MOB3B: variants seen among roughly 807,000 people sequenced by gnomAD.
MOB3B encodes MOB kinase activator 3B.
In MOB3B, 7 loss-of-function variants were observed where a neutral mutation model predicts 18.7. The ratio of observed to expected loss-of-function variants is 0.37; its 90% CI spans 0.21 to 0.70. The LOEUF is 0.70. Among genes scored for constraint, MOB3B ranks in the 30% least tolerant of loss-of-function variants. MOB3B has a pLI of 0.52. For synonymous variants in MOB3B, 111 were observed against 99.9 expected (o/e 1.11, Z -0.66); for missense variants, 253 against 281.3 (o/e 0.90, Z 0.72).
chr9:27,335,362 C>T (rs187198715), intron 3 of MOB3B, among the ~76,000 whole-genome samples: 14 of 152,266 alleles, frequency 9.2e-5, no homozygotes, highest in African/African-American at 1.2e-4. Context: ...TTCCCTAATG[C>T]GGCAAAACTA....
intron 2 of MOB3B, among the ~76,000 whole-genome samples, chr9:27,413,716 G>A (rs1822107628): frequency 6.6e-6 from 1 of 152,182 alleles, no homozygotes; most frequent in Non-Finnish European, 1.5e-5. Context: ...GAAAGCAATA[G>A]GATTTGAAGG....
At chr9:27,347,437 G>C (rs1228475171) in intron 3 of MOB3B, among the ~76,000 whole-genome samples, 1 of 152,268 alleles carries the variant, frequency 6.6e-6, no homozygotes, top group Admixed American at 6.5e-5. Context: ...TTCCTGGAAC[G>C]TAGCGCCCTG....
chr9:27,343,359 T>C (rs971078515), intron 3 of MOB3B, among the ~76,000 whole-genome samples: 7 of 150,860 alleles, frequency 4.6e-5, no homozygotes, highest in African/African-American at 9.9e-5. Context: ...GGGTCCTCTG[T>C]CTAGGAAAAC....
At chr9:27,521,075 C>T (rs1820317237) in intron 1 of MOB3B, among the ~76,000 whole-genome samples, 1 of 152,118 alleles carries the variant, frequency 6.6e-6, no homozygotes, top group Non-Finnish European at 1.5e-5. Flanking sequence ...GAATGGAGTC[C>T]TTGCTCTTGG....
intron 3 of MOB3B, among the ~76,000 whole-genome samples, chr9:27,338,038 A>C (rs1326305951): frequency 6.6e-6 from 1 of 152,158 alleles, no homozygotes; most frequent in Non-Finnish European, 1.5e-5. Flanking sequence ...TGTCCTCAAC[A>C]GCACTGGCTG....
At chr9:27,416,694 C>A (rs951908036) in intron 2 of MOB3B, among the ~76,000 whole-genome samples, 16 of 147,492 alleles carry the variant, frequency 1.1e-4, no homozygotes, top group African/African-American at 3.9e-4. Flanking sequence ...CCACCATGCC[C>A]AGCCAATTTT....
At chr9:27,465,006 C>T (rs1454147530) in intron 1 of MOB3B, among the ~76,000 whole-genome samples, 28 of 152,192 alleles carry the variant, frequency 1.8e-4, no homozygotes, top group South Asian at 1.5e-3. Context: ...TGCCCCTGGC[C>T]CCTCCAAATC....
At chr9:27,449,808 T>G (rs1207063983) in intron 2 of MOB3B, among the ~76,000 whole-genome samples, 1 of 151,772 alleles carries the variant, frequency 6.6e-6, no homozygotes, top group African/African-American at 2.4e-5. Flanking sequence ...AAACCCCAAC[T>G]CTACTAAAAA....
intron 1 of MOB3B, among the ~76,000 whole-genome samples, chr9:27,479,192 T>C (rs1819608035): frequency 6.6e-6 from 1 of 152,178 alleles, no homozygotes; most frequent in Admixed American, 6.5e-5. Context: ...CACCAGCAAC[T>C]ACTGTCACAT....
chr9:27,526,983 C>T (rs1431243217), intron 1 of MOB3B, among the ~76,000 whole-genome samples: 2 of 152,202 alleles, frequency 1.3e-5, no homozygotes, highest in South Asian at 2.1e-4. Context: ...AACGCATCAG[C>T]CCCTGTGACC....
At chr9:27,404,786 G>A (rs1821941318) in intron 2 of MOB3B, among the ~76,000 whole-genome samples, 1 of 152,148 alleles carries the variant, frequency 6.6e-6, no homozygotes, top group Non-Finnish European at 1.5e-5. Flanking sequence ...ACTCAGCAAT[G>A]GGATTGCTGA....
At position 27,524,924 on chromosome 9, in the gene MOB3B, C is replaced by A. The variant is rs752581635; in HGVS notation, c.-199+4631G>T. 3 of 1,606,210 alleles carry A rather than the reference C, an allele frequency of 1.9e-6. No homozygotes were observed. The African/African-American group carries it at 4.0e-5, about 22-fold the overall frequency. On this transcript the variant is annotated intron_variant, in intron 1 of 3. Transcript: ENST00000262244. ...TGGAAATCAGAAGATGTTTGTATTACTTTTACAAATTTACAGCTCTATTCA... is the reference window on the plus strand; with the variant it reads ...TGGAAATCAGAAGATGTTTGTATTAATTTTACAAATTTACAGCTCTATTCA...
At chr9:27,439,935 G>A (rs1161678) in intron 2 of MOB3B, among the ~76,000 whole-genome samples, 19,831 of 152,080 alleles carry the variant, frequency 0.13, 1,409 homozygotes, top group East Asian at 0.26. Context: ...ATGCTTTGGG[G>A]GTGGGCCCGG....
chr9:27,501,651 A>G (rs532333577), intron 1 of MOB3B, among the ~76,000 whole-genome samples: 1 of 151,486 alleles, frequency 6.6e-6, no homozygotes, highest in Non-Finnish European at 1.5e-5. Flanking sequence ...ACTAATGTAA[A>G]TGATGGGTTG....
intron 1 of MOB3B, among the ~76,000 whole-genome samples, chr9:27,516,017 A>C (rs962078291): frequency 1.3e-5 from 2 of 152,228 alleles, no homozygotes; most frequent in African/African-American, 4.8e-5. Context: ...GAAGGGACAC[A>C]CAGATGCATG....
intron 1 of MOB3B, among the ~76,000 whole-genome samples, chr9:27,503,326 A>C (rs1189140855): frequency 6.6e-6 from 1 of 152,254 alleles, no homozygotes; most frequent in Non-Finnish European, 1.5e-5. Flanking sequence ...TGTCCTCTCC[A>C]TCTGCTCCAA....
chr9:27,343,964 A>G (rs1380934461), intron 3 of MOB3B, among the ~76,000 whole-genome samples: 1 of 152,228 alleles, frequency 6.6e-6, no homozygotes, highest in Admixed American at 6.5e-5. Context: ...ACCAAGATAC[A>G]GAGTTTGAAG....
intron 2 of MOB3B, among the ~76,000 whole-genome samples, chr9:27,425,220 A>G (rs1180404975): frequency 6.6e-6 from 1 of 152,082 alleles, no homozygotes; most frequent in African/African-American, 2.4e-5. Context: ...TACTAAAAAT[A>G]CAAAATTAGC....
chr9:27,502,924 T>A (rs371625792), intron 1 of MOB3B, among the ~76,000 whole-genome samples: 2 of 152,194 alleles, frequency 1.3e-5, no homozygotes, highest in South Asian at 4.1e-4. Context: ...TGTGACAAAG[T>A]CCTCTATTAT....
Sources: allele counts gnomAD v4.1 joint callset (sites outside exome capture counted in the v4.1 genomes callset), GRCh38; gene constraint gnomAD v4.1.1; transcripts MANE v1.5; gene names NCBI Gene and HGNC (gene_info 2026-07-23, HGNC 2026-07-21).